TIAM1: variants seen among roughly 807,000 people sequenced by gnomAD.
TIAM1 encodes rho guanine nucleotide exchange factor TIAM1.
A neutral mutation model predicts 163.5 loss-of-function variants in TIAM1; 65 were observed. The ratio of observed to expected loss-of-function variants is 0.40; its 90% confidence interval spans 0.33 to 0.49. The LOEUF is 0.49. Among genes scored for constraint, TIAM1 ranks in the 20% least tolerant of loss-of-function variants. The probability of loss-of-function intolerance (pLI) is 0.77; values close to 1 mark genes in which losing one functional copy is unlikely to be tolerated. For synonymous variants in TIAM1, 833 were observed against 810.1 expected (o/e 1.03, Z -0.48); for missense variants, 1,789 against 2,044.7 (o/e 0.87, Z 2.41).
intron 2 of TIAM1, among the ~76,000 whole-genome samples, chr21:31,420,230 T>C (rs2043518328): frequency 6.6e-6 from 1 of 151,152 alleles, no homozygotes; most frequent in Admixed American, 6.6e-5. Flanking sequence ...ATAATAATAA[T>C]GATATGTCAT....
intron 1 of TIAM1, among the ~76,000 whole-genome samples, chr21:31,557,588 TAAA>T (rs1224317331): frequency 6.6e-6 from 1 of 152,162 alleles, no homozygotes; most frequent in African/African-American, 2.4e-5. Flanking sequence ...GCACAGGCTC[TAAA>T]CCTCTGCTCC....
At chr21:31,328,079 G>C (rs900466554) in intron 2 of TIAM1, among the ~76,000 whole-genome samples, 2 of 152,052 alleles carry the variant, frequency 1.3e-5, no homozygotes, top group African/African-American at 4.8e-5. Context: ...CCCTCTGTCA[G>C]CACAGGGCTC....
intron 3 of TIAM1, among the ~76,000 whole-genome samples, chr21:31,275,799 A>T (rs1490059512): frequency 6.6e-6 from 1 of 152,192 alleles, no homozygotes; most frequent in African/African-American, 2.4e-5. Context: ...AATTCATATC[A>T]TATTCAAGTT....
At chr21:31,392,365 G>C (rs545022059) in intron 2 of TIAM1, among the ~76,000 whole-genome samples, 2 of 151,994 alleles carry the variant, frequency 1.3e-5, no homozygotes, top group Non-Finnish European at 2.9e-5. Context: ...GAGGTCAGGA[G>C]TTCAAGACCA....
intron 6 of TIAM1, among the ~76,000 whole-genome samples, chr21:31,236,838 C>A (rs536518113): frequency 1.6e-4 from 25 of 152,118 alleles, no homozygotes; most frequent in African/African-American, 4.6e-4. Context: ...GGATGCTGAG[C>A]GCCTGGGCAC....
intron 8 of TIAM1, among the ~76,000 whole-genome samples, chr21:31,218,586 G>C (rs576351592): frequency 2.0e-5 from 3 of 151,866 alleles, no homozygotes; most frequent in African/African-American, 4.8e-5. Context: ...AAAGCGGGGG[G>C]TGGGGAATCT....
rs142336067 is a variant in TIAM1 at position 31,396,328 on chromosome 21, G to A, written c.-368-56906C>T. On this transcript the variant is annotated intron_variant, in intron 2 of 28. Coordinates refer to the TIAM1 transcript ENST00000286827. ...CCTCCTGCCAATCTTCAATACATTCGCGGGTCCCTCTGCCTGGAATGCTCT... is the reference window on the plus strand; with the variant it reads ...CCTCCTGCCAATCTTCAATACATTCACGGGTCCCTCTGCCTGGAATGCTCT... 5.1e-3 allele frequency among the ~76,000 whole-genome samples: 772 copies of A among 151,990 alleles called. 5 individuals are homozygous for A. Among genetic ancestry groups the A allele is most frequent in the Middle Eastern group, 0.021 (6 of 292 alleles).
Position 31,233,737 on chromosome 21 carries a change from C to A in TIAM1, c.1585-7787G>T, listed in dbSNP as rs144832880. 5.9e-5 allele frequency among the ~76,000 whole-genome samples: 9 copies of A among 152,306 alleles called. No individual in the cohort carries two copies. In the South Asian group the frequency reaches 8.3e-4, roughly 14 times the overall value. ...AGACAACTTTAAATTTGAGGTTTCC[C>A]TCCCCCACTGAAAATGGTGATATAA... On this transcript the variant is annotated intron_variant, in intron 6 of 27. Transcript: ENST00000541036.
chr21:31,155,237 T>C (rs1187843662), intron 16 of TIAM1, among the ~76,000 whole-genome samples: 2 of 152,206 alleles, frequency 1.3e-5, no homozygotes, highest in Non-Finnish European at 2.9e-5. Context: ...CAAACAGTTC[T>C]CCAAAGCAAG....
intron 1 of TIAM1, among the ~76,000 whole-genome samples, chr21:31,547,489 A>G (rs541716119): frequency 2.6e-5 from 4 of 152,316 alleles, no homozygotes; most frequent in East Asian, 3.9e-4. Flanking sequence ...CAGCAGGGGG[A>G]AAAAAGGAAA....
chr21:31,396,278 C>T (rs1362055381), intron 2 of TIAM1, among the ~76,000 whole-genome samples: 3 of 152,256 alleles, frequency 2.0e-5, no homozygotes, highest in African/African-American at 4.8e-5. Flanking sequence ...CGGCGCCTGC[C>T]CCATTCCTGC....
At chr21:31,152,288 CT>C (rs1344463113) in intron 19 of TIAM1, among the ~76,000 whole-genome samples, 1 of 152,148 alleles carries the variant, frequency 6.6e-6, no homozygotes, top group African/African-American at 2.4e-5. Context: ...CCGCCTTGGC[CT>C]CCCAAAGTGC....
chr21:31,368,001 T>G (rs1353284106), intron 2 of TIAM1, among the ~76,000 whole-genome samples: 2 of 152,196 alleles, frequency 1.3e-5, no homozygotes, highest in African/African-American at 4.8e-5. Flanking sequence ...ATAGCCACTC[T>G]AGAATATTCA....
intron 1 of TIAM1, among the ~76,000 whole-genome samples, chr21:31,465,404 T>C (rs1038414500): frequency 1.3e-5 from 2 of 151,924 alleles, no homozygotes; most frequent in Non-Finnish European, 2.9e-5. Context: ...AAAGCTAATA[T>C]ATTCTCTTAA....
intron 2 of TIAM1, among the ~76,000 whole-genome samples, chr21:31,403,296 T>C (rs2077195487): frequency 1.3e-5 from 2 of 152,078 alleles, no homozygotes; most frequent in African/African-American, 4.8e-5. Context: ...TACAGACGCG[T>C]GCCACCACAC....
At chr21:31,385,871 AATTAT>A (rs1320260858) in intron 2 of TIAM1, among the ~76,000 whole-genome samples, 7 of 91,136 alleles carry the variant, frequency 7.7e-5, no homozygotes, top group African/African-American at 1.8e-4. Flanking sequence ...ATTATATATT[AATTAT>A]ATTAGTTAAT....
chr21:31,236,640 C>A (rs1242103869), intron 6 of TIAM1, among the ~76,000 whole-genome samples: 1 of 151,972 alleles, frequency 6.6e-6, no homozygotes, highest in African/African-American at 2.4e-5. Flanking sequence ...AAAAAAAAAT[C>A]TATTAAAATA....
At chr21:31,397,407 C>T (rs1007886262) in intron 2 of TIAM1, among the ~76,000 whole-genome samples, 2 of 152,166 alleles carry the variant, frequency 1.3e-5, no homozygotes, top group Non-Finnish European at 2.9e-5. Context: ...TTCCTCTTTT[C>T]CTTTCTCTCC....
At chr21:31,539,304 G>C (rs796151779) in intron 1 of TIAM1, among the ~76,000 whole-genome samples, 1 of 149,108 alleles carries the variant, frequency 6.7e-6, no homozygotes, top group Admixed American at 6.6e-5. Flanking sequence ...CCCGCTCTGT[G>C]GCCCAGGCTG....
Sources: gnomAD v4.1 joint callset for allele counts (sites outside exome capture counted in the v4.1 genomes callset) on GRCh38, gnomAD v4.1.1 for gene constraint, MANE v1.5 for transcripts, NCBI Gene and HGNC (gene_info 2026-07-23, HGNC 2026-07-21) for gene names.